The following RAB3IP variants were observed in gnomAD, a reference collection of about 807,000 sequenced individuals.
The protein encoded by RAB3IP is rab-3A-interacting protein.
A neutral mutation model predicts 59.1 loss-of-function variants in RAB3IP; 36 were observed. The ratio of observed to expected loss-of-function variants is 0.61; its 90% CI spans 0.47 to 0.80. The LOEUF is 0.80. Among genes scored for constraint, RAB3IP ranks in the 30% least tolerant of loss-of-function variants. The probability of loss-of-function intolerance (pLI) is 0.00; values close to 1 mark genes in which losing one functional copy is unlikely to be tolerated. For synonymous variants in RAB3IP, 207 were observed against 191.2 expected (o/e 1.08, Z -0.68); for missense variants, 511 against 536.0 (o/e 0.95, Z 0.46).
At chr12:69,756,023 A>G (rs1178762078) in intron 2 of RAB3IP, among the ~76,000 whole-genome samples, 2 of 152,270 alleles carry the variant, frequency 1.3e-5, no homozygotes, top group Non-Finnish European at 2.9e-5. Context: ...GTCACAAAAT[A>G]TTCTTTTAAA....
At chr12:69,785,055 AAGG>A (rs1172407835) in intron 4 of RAB3IP, 2 of 258,698 alleles carry the variant, frequency 7.7e-6, no homozygotes, top group African/African-American at 4.5e-5. Flanking sequence ...TGTGCAAAGA[AAGG>A]AGGCAAATTT....
At chr12:69,810,080 C>G (rs563259078) in intron 8 of RAB3IP, among the ~76,000 whole-genome samples, 1 of 152,192 alleles carries the variant, frequency 6.6e-6, no homozygotes, top group Non-Finnish European at 1.5e-5. Context: ...GTTTTTGGTG[C>G]AGATGTCCTT....
At chr12:69,806,617 G>A (rs1056400632) in intron 8 of RAB3IP, among the ~76,000 whole-genome samples, 1 of 135,316 alleles carries the variant, frequency 7.4e-6, no homozygotes, top group Non-Finnish European at 1.6e-5. Context: ...ATTCTTGGGT[G>A]TTTCTTGGAG....
intron 6 of RAB3IP, chr12:69,795,585 A>C: frequency 1.7e-6 from 1 of 583,728 alleles, no homozygotes; most frequent in Non-Finnish European, 3.0e-6. Flanking sequence ...TATTTCATTA[A>C]GGGAGGAAAC....
At chr12:69,746,476 C>A (rs556927233) in intron 1 of RAB3IP, among the ~76,000 whole-genome samples, 2 of 152,234 alleles carry the variant, frequency 1.3e-5, no homozygotes, top group African/African-American at 4.8e-5. Flanking sequence ...AGACATTCTC[C>A]TCTTCCCTCT....
chr12:69,813,911 T>C (rs1370424390), intron 10 of RAB3IP, among the ~76,000 whole-genome samples: 1 of 152,304 alleles, frequency 6.6e-6, no homozygotes, highest in East Asian at 1.9e-4. Context: ...GTTTAGCCTT[T>C]CTCAAGGTCT....
At chr12:69,741,993 G>A (rs767255862) in intron 1 of RAB3IP, among the ~76,000 whole-genome samples, 61 of 152,198 alleles carry the variant, frequency 4.0e-4, no homozygotes, top group Admixed American at 1.4e-3. Flanking sequence ...GCAAGTCACA[G>A]TAGGGGTTAA....
chr12:69,773,399 C>CTTTT (rs71437123), intron 3 of RAB3IP, among the ~76,000 whole-genome samples: 1,351 of 47,964 alleles, frequency 0.028, 60 homozygotes, highest in East Asian at 0.055. Context: ...ATTTGTCTTT[C>CTTTT]TTTTTTTTTT....
At chr12:69,796,365 T>C (rs554764159) in intron 6 of RAB3IP, 3 of 253,908 alleles carry the variant, frequency 1.2e-5, no homozygotes, top group African/African-American at 2.2e-5. Flanking sequence ...TGAAATAATA[T>C]ATAAATATTT....
At chr12:69,755,267 T>C (rs1374677725) in intron 1 of RAB3IP, 117 bp from the exon 2 acceptor site, 1 of 950,774 alleles carries the variant, frequency 1.1e-6, no homozygotes, top group Non-Finnish European at 1.5e-6. Flanking sequence ...AAGCCTCTTT[T>C]ATTGTAAGCT....
intron 8 of RAB3IP, among the ~76,000 whole-genome samples, chr12:69,808,230 G>A (rs1248841330): frequency 6.6e-6 from 1 of 152,174 alleles, no homozygotes; most frequent in Non-Finnish European, 1.5e-5. Flanking sequence ...CTGAGTTCTA[G>A]TTTGATTGCA....
In RAB3IP at chr12:69,745,093, A is replaced by G. The variant is rs1448211273; in HGVS notation, c.-26+6062A>G. On this transcript the variant is annotated intron_variant, in intron 1 of 10. Coordinates refer to ENST00000247833, the MANE Select transcript of RAB3IP (RefSeq NM_022456.5). ...TAGTATAATGAACCTAAAAGTTTCCATCATGTAGCCCAGTAACTATCAACA... is the reference window on the plus strand; with the variant it reads ...TAGTATAATGAACCTAAAAGTTTCCGTCATGTAGCCCAGTAACTATCAACA... 2.0e-5 allele frequency among the ~76,000 whole-genome samples: 3 copies of G among 152,202 alleles called. No individual in the cohort carries two copies. In the East Asian group the frequency reaches 5.8e-4, roughly 29 times the overall value.
intron 6 of RAB3IP, among the ~76,000 whole-genome samples, chr12:69,797,477 C>CTTTTTTTTTTTTTTTT: frequency 5.1e-4 from 28 of 54,906 alleles, no homozygotes; most frequent in South Asian, 8.0e-4. Context: ...TCTTTTCTTT[C>CTTTTTTTTTTTTTTTT]TTTTTTTTTT....
intron 3 of RAB3IP, among the ~76,000 whole-genome samples, chr12:69,758,197 CTG>C (rs1391524667): frequency 3.3e-5 from 5 of 152,284 alleles, no homozygotes; most frequent in African/African-American, 1.2e-4. Flanking sequence ...ACTTGGTTAA[CTG>C]TGTCTTCCTA....
rs751048600 is a variant in RAB3IP, at chr12:69,785,309, C to T, written c.606+494C>T. On this transcript the variant is annotated intron_variant, in intron 4 of 10. Transcript: ENST00000247833. Reference sequence around the variant, plus strand: ...TAGGGGTGCCACTAACACTGTAGGACGTTTAGTGTCCTTGGTGTTTTAGTC... The same window carrying T: ...TAGGGGTGCCACTAACACTGTAGGATGTTTAGTGTCCTTGGTGTTTTAGTC... Among the ~76,000 whole-genome samples, 122 of 152,104 alleles carry T rather than the reference C, an allele frequency of 8.0e-4. 1 individual carries two copies. Among genetic ancestry groups the T allele is most frequent in the Admixed American group, 2.0e-4 (3 of 15,274 alleles).
At chr12:69,798,366 G>T (rs1877860863) in intron 6 of RAB3IP, among the ~76,000 whole-genome samples, 1 of 146,380 alleles carries the variant, frequency 6.8e-6, no homozygotes, top group African/African-American at 2.6e-5. Flanking sequence ...CTTTTTGATG[G>T]GGTTGTTTGT....
intron 4 of RAB3IP, among the ~76,000 whole-genome samples, chr12:69,786,762 G>GGA (rs1875719854): frequency 2.0e-5 from 3 of 151,028 alleles, no homozygotes; most frequent in African/African-American, 7.3e-5. Flanking sequence ...CTCCCTGTAA[G>GGA]TAGCAGGATG....
intron 1 of RAB3IP, among the ~76,000 whole-genome samples, chr12:69,747,328 G>T (rs1014386533): frequency 2.1e-5 from 2 of 96,312 alleles, no homozygotes; most frequent in African/African-American, 5.7e-5. Flanking sequence ...GTGTGTGTGT[G>T]TGTGAGAGAG....
At chr12:69,782,884 C>T (rs1004433901) in intron 3 of RAB3IP, among the ~76,000 whole-genome samples, 9 of 152,008 alleles carry the variant, frequency 5.9e-5, no homozygotes, top group African/African-American at 2.2e-4. Context: ...GAGAGATTTT[C>T]TAAGGTCTTA....
Sources: allele counts gnomAD v4.1 joint callset (sites outside exome capture counted in the v4.1 genomes callset), GRCh38; gene constraint gnomAD v4.1.1; transcripts MANE v1.5; gene names NCBI Gene and HGNC (gene_info 2026-07-23, HGNC 2026-07-21).